Variants in COL27A1 observed in about 807,000 individuals in gnomAD.
COL27A1 encodes the protein collagen type XXVII alpha 1 chain.
COL27A1 carries 106 observed loss-of-function variants against 251.3 expected under a neutral mutation model. The ratio of observed to expected loss-of-function variants is 0.42; its 90% CI spans 0.36 to 0.50. COL27A1 has a LOEUF of 0.50. Ranked by LOEUF, COL27A1 falls within the 20% of genes least tolerant of loss-of-function variation. The pLI is 0.00. For synonymous variants in COL27A1, 1,000 were observed against 986.3 expected, an observed-to-expected ratio of 1.01 and a Z score of -0.26; for missense variants, 2,325 against 2,522.8, an observed-to-expected ratio of 0.92 and a Z score of 1.68.
At position 114,222,976 on chromosome 9, in the gene COL27A1, C is replaced by G. The variant is rs539979849; in HGVS notation, c.2466+709C>G. 3.5e-4 allele frequency among the ~76,000 whole-genome samples: 53 copies of G among 152,278 alleles called. 1 individual carries two copies. The highest frequency in any genetic ancestry group is 3.1e-3 in the Admixed American group (47 of 15,302). ...TTGTTATAATAATTCTTGTTATTACCTCCTGAAATGCCCAGGACTGAGAGA... is the reference window on the plus strand; with the variant it reads ...TTGTTATAATAATTCTTGTTATTACGTCCTGAAATGCCCAGGACTGAGAGA... On this transcript the variant is annotated intron_variant, in intron 14 of 60. Transcript: ENST00000356083.
At position 114,169,200 on chromosome 9, in the gene COL27A1, A is replaced by G. The variant is rs1849131792; in HGVS notation, c.1645A>G (p.Ser549Gly). 1.2e-6 allele frequency: 2 copies of G among 1,613,940 alleles called. No homozygotes were observed. Among genetic ancestry groups the G allele is most frequent in the African/African-American group, 2.7e-5 (2 of 74,902 alleles). Reference sequence around the variant, plus strand: ...AGCCTCAAAGAAAGCCGGACCCAAGAGCAGCCCCCGGAAGCCTGTCCCCCT... The same window carrying G: ...AGCCTCAAAGAAAGCCGGACCCAAGGGCAGCCCCCGGAAGCCTGTCCCCCT... ...SEASKKAGPK[S>G]SPRKPVPLRP... Residue 549 changes from serine (S) to glycine (G), a missense_variant, in exon 3 of 61, where the codon AGC becomes GGC. Ser to Gly is a moderately conservative substitution (Grantham distance 56). Coordinates refer to ENST00000356083, the MANE Select transcript of COL27A1 (RefSeq NM_032888.4).
Position 114,245,148 on chromosome 9 carries a change from G to GT in COL27A1, c.2935-690dup, listed in dbSNP as rs779029948. ...TGATGCAGTGGGAATGTGCATTCTT[G>GT]TTTTTTTTTTTTTTTTTTTTTTTTT... On this transcript the variant is annotated intron_variant, in intron 23 of 60. Transcript: ENST00000356083. Among the ~76,000 whole-genome samples, 764 of 101,262 alleles carry GT rather than the reference G, an allele frequency of 7.5e-3. 34 individuals carry two copies. The highest frequency in any genetic ancestry group is 0.01 in the Non-Finnish European group (528 of 51,112). 66.4% of individuals were successfully genotyped at this position (101,262 alleles called of 152,430 possible).
intron 23 of COL27A1, among the ~76,000 whole-genome samples, chr9:114,244,112 G>A (rs1279910138): frequency 1.3e-5 from 2 of 151,934 alleles, no homozygotes; most frequent in East Asian, 1.9e-4. Flanking sequence ...ATTTTTAGTA[G>A]AGATGGAGTT....
At chr9:114,249,554 G>A (rs561957089) in intron 24 of COL27A1, among the ~76,000 whole-genome samples, 11 of 152,326 alleles carry the variant, frequency 7.2e-5, no homozygotes, top group East Asian at 5.8e-4. Flanking sequence ...AGCAAGACAC[G>A]TGTGGCCCTC....
chr9:114,230,289 G>C (rs4979359), intron 14 of COL27A1, among the ~76,000 whole-genome samples: 1 of 152,136 alleles, frequency 6.6e-6, no homozygotes, highest in Non-Finnish European at 1.5e-5. Flanking sequence ...GGACGGTGTG[G>C]AGTTTGCAGA....
chr9:114,178,223 G>A lies in COL27A1; in HGVS notation c.1909-68G>A, dbSNP rs531637592. On this transcript the variant is annotated intron_variant, in intron 3 of 60. Coordinates refer to ENST00000356083, the MANE Select transcript of COL27A1 (RefSeq NM_032888.4). Reference sequence around the variant, plus strand: ...ACAGCTGCAGGCGGGATTGTTGAATGACTGCTTGAGCCCATTCTCTGCTGC... The same window carrying A: ...ACAGCTGCAGGCGGGATTGTTGAATAACTGCTTGAGCCCATTCTCTGCTGC... 55 of 1,343,666 alleles carry A rather than the reference G, an allele frequency of 4.1e-5. 1 individual carries two copies. The South Asian group carries it at 6.0e-4, about 15-fold the overall frequency. 83.2% of individuals were successfully genotyped at this position (1,343,666 alleles called of 1,614,324 possible).
rs372386328 is a variant in COL27A1 at position 114,169,367 on chromosome 9, C to A, written c.1812C>A (p.Pro604=). 1 of 1,611,888 alleles carries A rather than the reference C, an allele frequency of 6.2e-7. No individual in the cohort carries two copies. Among genetic ancestry groups the A allele is most frequent in the Non-Finnish European group, 8.5e-7 (1 of 1,179,528 alleles). The part of the protein sequence containing the change: ...PAQFLSSSPR[P]TSSGYSIFHL... The stretch of plus-strand genomic sequence containing the variant: ...AATTCCTGTCCTCCAGCCCCCGGCC[C>A]ACGAGCAGTGGCTATTCGATCTTCC... Residue 604 remains proline (P), a synonymous_variant, in exon 3 of 61, where the codon CCC becomes CCA. Transcript: ENST00000356083.
At chr9:114,297,117 T>A (rs1214070687) in intron 49 of COL27A1, among the ~76,000 whole-genome samples, 5 of 152,352 alleles carry the variant, frequency 3.3e-5, no homozygotes, top group African/African-American at 1.2e-4. Flanking sequence ...GATGTTATTG[T>A]CTTGGTTGTT....
At chr9:114,237,588 G>A (rs1457540596) in intron 18 of COL27A1, 74 bp from the exon 19 acceptor site, 3 of 1,246,896 alleles carry the variant, frequency 2.4e-6, no homozygotes, top group Non-Finnish European at 3.5e-6. Flanking sequence ...TCCACAACCA[G>A]CGGGGGAACG....
chr9:114,209,415 C>G (rs780655543), intron 10 of COL27A1: 2 of 742,508 alleles, frequency 2.7e-6, no homozygotes, highest in Non-Finnish European at 5.1e-6. Flanking sequence ...GGCCTCCTGC[C>G]GGCGAGCGCC....
At chr9:114,253,007 A>C in intron 27 of COL27A1, 75 bp downstream of exon 27, 1 of 1,215,770 alleles carries the variant, frequency 8.2e-7, no homozygotes, top group Non-Finnish European at 1.2e-6. Flanking sequence ...GTGGTGGCTC[A>C]CACCTGTAAT....
intron 5 of COL27A1, among the ~76,000 whole-genome samples, chr9:114,190,778 C>A (rs1431670203): frequency 6.6e-6 from 1 of 152,182 alleles, no homozygotes; most frequent in Non-Finnish European, 1.5e-5. Flanking sequence ...CAGAGTCTGC[C>A]ATTTCACATA....
In COL27A1 at chr9:114,290,929, CT is replaced by C. The variant is rs1432470162; in HGVS notation, c.4476+14del. 1.3e-6 allele frequency: 2 copies of C among 1,533,270 alleles called. No homozygotes were observed. The highest frequency in any genetic ancestry group is 2.8e-5 in the African/African-American group (2 of 72,684). The allele number at this position is 1,533,270 out of a possible 1,614,324, so 95.0% of individuals were successfully genotyped here. ...CCCCAGGATTCAAGGTCAGATACCT[CT>C]TAATACACTTACCCACCCTCTGCCC... On this transcript the variant is annotated intron_variant, in intron 48 of 60. Transcript: ENST00000356083. This position sits in a 1 kb window ranked among gnomAD's most constrained non-coding sequence, Gnocchi z 4.6.
At chr9:114,302,441 T>C (rs896413548) in intron 56 of COL27A1, among the ~76,000 whole-genome samples, 2 of 151,802 alleles carry the variant, frequency 1.3e-5, no homozygotes, top group African/African-American at 4.8e-5. Context: ...CCAAAGAGAG[T>C]TGGGGCCGGG....
chr9:114,154,122 T>TCGGAGCCCGCGC (rs1417633733), upstream of COL27A1, among the ~76,000 whole-genome samples: 60 of 152,010 alleles, frequency 3.9e-4, no homozygotes, highest in East Asian at 0.011. The surrounding 1 kb of genome is among the most constrained non-coding windows in gnomAD (Gnocchi z 5.8). Context: ...CCCCCAGCTC[T>TCGGAGCCCGCGC]CGGAGCCCGC....
Position 114,236,968 on chromosome 9 carries a change from G to A in COL27A1, c.2620-13G>A. 1 of 1,613,546 alleles carries A rather than the reference G, an allele frequency of 6.2e-7. No individual in the cohort carries two copies. Among genetic ancestry groups the A allele is most frequent in the South Asian group, 1.1e-5 (1 of 90,918 alleles). ...TTCCTCACTAACCCCAGCCTGCTCT[G>A]GATCTCTTCCAGGGGAGCCAGGGGT... is the stretch of plus-strand genomic sequence containing the variant. On this transcript the variant is annotated splice_polypyrimidine_tract_variant and intron_variant, in intron 17 of 60. Coordinates refer to ENST00000356083, the MANE Select transcript of COL27A1 (RefSeq NM_032888.4).
chr9:114,169,144 C>G lies in COL27A1; in HGVS notation c.1589C>G (p.Pro530Arg), dbSNP rs1234927709. 1 of 1,614,140 alleles carries G rather than the reference C, an allele frequency of 6.2e-7. No individual in the cohort carries two copies. The highest frequency in any genetic ancestry group is 1.3e-5 in the African/African-American group (1 of 75,058). ...GCCGTCCCCACTCCTGGCTCAGCTC[C>G]CACTGGAAGCAAGAAGCCCATTGGA... Reference protein sequence around the residue: ...APAVPTPGSAPTGSKKPIGSE... With the variant: ...APAVPTPGSARTGSKKPIGSE... The change falls in exon 3 of 61, where the codon CCC (proline) becomes CGC (arginine). Residue 530 changes from proline to arginine, a missense_variant. Pro to Arg is a moderately radical substitution (Grantham distance 103). Transcript: ENST00000356083.
chr9:114,209,190 C>T (rs968647866), intron 10 of COL27A1, among the ~76,000 whole-genome samples: 32 of 152,290 alleles, frequency 2.1e-4, no homozygotes, highest in Admixed American at 7.8e-4. Flanking sequence ...GTTGGCACTC[C>T]GGGTTCGCAG....
chr9:114,177,153 G>C (rs759448740), intron 3 of COL27A1, among the ~76,000 whole-genome samples: 2 of 152,156 alleles, frequency 1.3e-5, no homozygotes, highest in African/African-American at 2.4e-5. Context: ...TCTTAACGGG[G>C]AGCATCTGAG....
Sources: gnomAD v4.1 joint callset for allele counts (sites outside exome capture counted in the v4.1 genomes callset) on GRCh38, gnomAD v4.1.1 for gene constraint, Gnocchi (gnomAD v3.1) non-coding constraint, MANE v1.5 for transcripts, NCBI Gene and HGNC (gene_info 2026-07-23, HGNC 2026-07-21) for gene names.